The following CADM2 variants were observed in gnomAD, a reference collection of about 807,000 sequenced individuals.
CADM2 encodes the protein cell adhesion molecule 2, also known as immunoglobulin superfamily member 4D.
CADM2 carries 12 observed loss-of-function variants against 49.8 expected under a neutral mutation model. The observed-to-expected ratio is 0.24, with a 90% CI of 0.15 to 0.39. The LOEUF is 0.39. CADM2 is among the 10% of genes least tolerant of loss of function. The probability of loss-of-function intolerance (pLI) is 1.00; values close to 1 mark genes in which losing one functional copy is unlikely to be tolerated. For synonymous variants in CADM2, 214 were observed against 175.4 expected, an observed-to-expected ratio of 1.22 and a Z score of -1.74; for missense variants, 378 against 492.3, an observed-to-expected ratio of 0.77 and a Z score of 2.20.
intron 8 of CADM2, among the ~76,000 whole-genome samples, chr3:86,002,251 A>G (rs567573299): frequency 6.6e-4 from 100 of 152,290 alleles, no homozygotes; most frequent in Middle Eastern, 3.4e-3. Flanking sequence ...GATCTTGTAC[A>G]GTGCAAATGA....
chr3:85,099,839 TA>T (rs2037944227), intron 1 of CADM2, among the ~76,000 whole-genome samples: 1 of 152,188 alleles, frequency 6.6e-6, no homozygotes, highest in Non-Finnish European at 1.5e-5. Context: ...TGGGAGCTTT[TA>T]AAATAACAGC....
chr3:86,030,942 A>T (rs1374037525), intron 8 of CADM2, among the ~76,000 whole-genome samples: 1 of 151,786 alleles, frequency 6.6e-6, no homozygotes, highest in Non-Finnish European at 1.5e-5. Flanking sequence ...TGTGTGTGTT[A>T]GTCTGTTTAG....
intron 6 of CADM2, among the ~76,000 whole-genome samples, chr3:85,929,724 TAACTC>T (rs1280552430): frequency 3.3e-5 from 5 of 152,006 alleles, no homozygotes; most frequent in Non-Finnish European, 7.4e-5. Context: ...CTTTCAAAAT[TAACTC>T]AGTTTTTGAG....
chr3:86,034,109 C>T (rs1465314390), intron 8 of CADM2, among the ~76,000 whole-genome samples: 1 of 151,858 alleles, frequency 6.6e-6, no homozygotes, highest in East Asian at 1.9e-4. Context: ...ACCATGCTTA[C>T]TACTTACTTA....
chr3:85,741,316 G>T (rs994900176), intron 2 of CADM2, among the ~76,000 whole-genome samples: 2 of 141,662 alleles, frequency 1.4e-5, no homozygotes, highest in Non-Finnish European at 3.0e-5. Flanking sequence ...TGTCTTTGAT[G>T]ATTTATTTCC....
chr3:85,327,655 C>G (rs1410524203), intron 1 of CADM2, among the ~76,000 whole-genome samples: 6 of 151,634 alleles, frequency 4.0e-5, no homozygotes, highest in African/African-American at 1.5e-4. Context: ...TGAAGTTACC[C>G]TATAGGCTAA....
intron 1 of CADM2, among the ~76,000 whole-genome samples, chr3:85,505,066 C>T (rs1010997564): frequency 6.6e-6 from 1 of 152,124 alleles, no homozygotes; most frequent in Admixed American, 6.5e-5. Context: ...TCCCTCCACA[C>T]CTCCCTGCAA....
intron 8 of CADM2, chr3:86,013,346 A>G: frequency 6.5e-7 from 1 of 1,540,622 alleles, no homozygotes; most frequent in Non-Finnish European, 8.9e-7. Flanking sequence ...TAAAATCTCT[A>G]TTTGAATTAT....
intron 1 of CADM2, among the ~76,000 whole-genome samples, chr3:85,096,191 A>T (rs1470317212): frequency 6.6e-6 from 1 of 152,172 alleles, no homozygotes; most frequent in Non-Finnish European, 1.5e-5. Flanking sequence ...ATCTATATTT[A>T]ACATCAGAAT....
At chr3:85,206,005 C>T (rs966342336) in intron 1 of CADM2, among the ~76,000 whole-genome samples, 10 of 151,814 alleles carry the variant, frequency 6.6e-5, no homozygotes, top group Admixed American at 3.3e-4. Flanking sequence ...CATGAAGAGC[C>T]GGAAAAGAAA....
intron 1 of CADM2, among the ~76,000 whole-genome samples, chr3:85,270,832 C>G (rs1047864429): frequency 1.3e-5 from 2 of 151,406 alleles, no homozygotes; most frequent in Non-Finnish European, 3.0e-5. Context: ...AAAACATTGA[C>G]TGCTTCTAAG....
At chr3:85,228,811 T>C (rs1292837866) in intron 1 of CADM2, among the ~76,000 whole-genome samples, 1 of 152,118 alleles carries the variant, frequency 6.6e-6, no homozygotes, top group Non-Finnish European at 1.5e-5. Flanking sequence ...AGGGACCCAC[T>C]TGAGGAGGCA....
chr3:85,188,171 A>T (rs990853637), intron 1 of CADM2, among the ~76,000 whole-genome samples: 1 of 152,132 alleles, frequency 6.6e-6, no homozygotes, highest in Non-Finnish European at 1.5e-5. Context: ...ATAGAAGCCT[A>T]TGGAATACAT....
At chr3:85,497,812 C>T (rs977544186) in intron 1 of CADM2, among the ~76,000 whole-genome samples, 7 of 152,038 alleles carry the variant, frequency 4.6e-5, no homozygotes, top group African/African-American at 1.7e-4. Context: ...TTTTCTAAAG[C>T]TATCTATCTG....
chr3:85,788,497 G>T (rs563534911), intron 2 of CADM2, among the ~76,000 whole-genome samples: 1 of 151,838 alleles, frequency 6.6e-6, no homozygotes, highest in African/African-American at 2.4e-5. Flanking sequence ...TTACAGAGAA[G>T]AATACAGAAA....
At chr3:85,208,325 G>A (rs879712568) in intron 1 of CADM2, among the ~76,000 whole-genome samples, 3 of 152,084 alleles carry the variant, frequency 2.0e-5, no homozygotes, top group Non-Finnish European at 4.4e-5. Flanking sequence ...ACAATTGTAG[G>A]ACTATAACAA....
At chr3:85,670,809 C>T (rs1360719362) in intron 1 of CADM2, among the ~76,000 whole-genome samples, 2 of 152,114 alleles carry the variant, frequency 1.3e-5, no homozygotes, top group Non-Finnish European at 2.9e-5. Flanking sequence ...TCATTCATAG[C>T]ATAACAATGG....
chr3:85,877,050 T>A (rs947477957), intron 3 of CADM2, among the ~76,000 whole-genome samples: 36 of 152,140 alleles, frequency 2.4e-4, no homozygotes, highest in Admixed American at 1.5e-3. Flanking sequence ...TCATTGGTCA[T>A]ATAGTAGAGT....
intron 1 of CADM2, among the ~76,000 whole-genome samples, chr3:85,441,957 A>G (rs2037221348): frequency 6.6e-6 from 1 of 152,094 alleles, no homozygotes; most frequent in South Asian, 2.1e-4. Context: ...CTAAAAATAA[A>G]TGCATGCAGA....
Sources: allele counts gnomAD v4.1 joint callset (sites outside exome capture counted in the v4.1 genomes callset), GRCh38; gene constraint gnomAD v4.1.1; transcripts MANE v1.5; gene names NCBI Gene and HGNC (gene_info 2026-07-23, HGNC 2026-07-21).